The following PLEKHG5 variants were observed in gnomAD, a reference collection of about 807,000 sequenced individuals.
PLEKHG5 encodes pleckstrin homology domain-containing family G member 5.
A neutral mutation model predicts 103.8 loss-of-function variants in PLEKHG5; 52 were observed. The ratio of observed to expected loss-of-function variants is 0.50; its 90% CI spans 0.40 to 0.63. The LOEUF (loss-of-function observed/expected upper bound fraction) is 0.63, where lower values mean the gene tolerates loss of function less well. PLEKHG5 is among the 30% of genes least tolerant of loss of function. The probability of loss-of-function intolerance (pLI) is 0.00; values close to 1 mark genes in which losing one functional copy is unlikely to be tolerated. For synonymous variants in PLEKHG5, 592 were observed against 575.5 expected (o/e 1.03, Z -0.41); for missense variants, 1,205 against 1,347.6 (o/e 0.89, Z 1.66).
chr1:6,486,502 G>A lies in PLEKHG5; in HGVS notation c.-88+5135C>T, dbSNP rs1009705173. 4.6e-5 allele frequency among the ~76,000 whole-genome samples: 7 copies of A among 152,266 alleles called. No homozygotes were observed. Among genetic ancestry groups the A allele is most frequent in the Admixed American group, 2.0e-4 (3 of 15,288 alleles). On this transcript the variant is annotated intron_variant, in intron 1 of 20. Transcript: ENST00000377728. The surrounding 1 kb of genome is among the most constrained non-coding windows in gnomAD (Gnocchi z 5.3). ...AGGCCGGTGGCCTCTGGAAAGGGCC[G>A]TGGGCAGAAGGCGGGCTGCTCTGAG...
At chr1:6,482,890 G>C (rs1225923333) in intron 1 of PLEKHG5, among the ~76,000 whole-genome samples, 1 of 152,136 alleles carries the variant, frequency 6.6e-6, no homozygotes, top group African/African-American at 2.4e-5. Flanking sequence ...TGGATTTTGA[G>C]TAGAGACGGG....
intron 1 of PLEKHG5, among the ~76,000 whole-genome samples, chr1:6,480,768 C>T (rs1463572329): frequency 6.6e-5 from 10 of 151,760 alleles, no homozygotes. Flanking sequence ...CCTGCCTCAC[C>T]GTCCCAAGTA....
chr1:6,511,646 A>G (rs1197479160), intron 1 of PLEKHG5, among the ~76,000 whole-genome samples: 1 of 152,164 alleles, frequency 6.6e-6, no homozygotes, highest in Non-Finnish European at 1.5e-5. Context: ...GGCATGTGAG[A>G]TGGGGGACTG....
upstream of PLEKHG5, chr1:6,496,565 G>C: frequency 6.4e-7 from 1 of 1,572,484 alleles, no homozygotes; most frequent in East Asian, 2.3e-5. Context: ...CGGGGCTCTG[G>C]TCGTCTGCAG....
rs904247137 is a variant in PLEKHG5 at position 6,467,912 on chromosome 1, C to T, written c.2924G>A (p.Gly975Glu). The change falls in exon 20 of 21, where the codon GGG (glycine) becomes GAG (glutamate). Residue 975 changes from glycine to glutamate, a missense_variant. Physicochemically the swap from Gly to Glu is moderately conservative, Grantham distance 98. Transcript: ENST00000377728. ...CAGCTTCCTGTGCTGGGCAGAGACCCCTGGTGGGGGCTCAGGCTGGACCCT... is the reference window on the plus strand; with the variant it reads ...CAGCTTCCTGTGCTGGGCAGAGACCTCTGGTGGGGGCTCAGGCTGGACCCT... Reference protein sequence around the residue: ...SPRVQPEPPPGVSAQHRKLTL... With the variant: ...SPRVQPEPPPEVSAQHRKLTL... 3 of 1,602,338 alleles carry T rather than the reference C, an allele frequency of 1.9e-6. No individual in the cohort carries two copies. Among genetic ancestry groups the T allele is most frequent in the Non-Finnish European group, 2.6e-6 (3 of 1,175,074 alleles).
chr1:6,480,514 C>T (rs555895481), intron 1 of PLEKHG5, among the ~76,000 whole-genome samples: 42 of 145,342 alleles, frequency 2.9e-4, no homozygotes, highest in African/African-American at 9.3e-4. Context: ...AGTGACAGAG[C>T]GAGACTTTGT....
chr1:6,509,706 T>C (rs1044968379), intron 1 of PLEKHG5, among the ~76,000 whole-genome samples: 2 of 152,134 alleles, frequency 1.3e-5, no homozygotes, highest in African/African-American at 4.8e-5. Context: ...GGGGAGGGCT[T>C]GGTTCAGGGT....
At position 6,472,638 on chromosome 1, in the gene PLEKHG5, GA is replaced by G; in HGVS notation, c.985-17del. 1 of 1,594,984 alleles carries G rather than the reference GA, an allele frequency of 6.3e-7. No individual in the cohort carries two copies. Among genetic ancestry groups the G allele is most frequent in the African/African-American group, 1.3e-5 (1 of 74,630 alleles). ...GGGTCAGCTTCTAGAGGGAGGGCAG[GA>G]TGGGTCATTCACGAGGCCTGGAGCA... On this transcript the variant is annotated splice_polypyrimidine_tract_variant and intron_variant, in intron 9 of 20. Transcript: ENST00000377728.
chr1:6,503,560 A>G (rs978025335), intron 1 of PLEKHG5, among the ~76,000 whole-genome samples: 5 of 151,996 alleles, frequency 3.3e-5, no homozygotes, highest in Non-Finnish European at 5.9e-5. Context: ...GGTGCCTGCC[A>G]CCATGCCTGG....
Position 6,490,499 on chromosome 1 carries a change from C to G in PLEKHG5, c.-88+1138G>C. The G allele has an allele frequency of 1.0e-6, 1 of 985,368 alleles. No individual in the cohort carries two copies. Among genetic ancestry groups the G allele is most frequent in the Non-Finnish European group, 1.2e-6 (1 of 829,888 alleles). 61.0% of individuals were successfully genotyped at this position (985,368 alleles called of 1,614,324 possible). On this transcript the variant is annotated intron_variant, in intron 1 of 20. Transcript: ENST00000377728. This position sits in a 1 kb window ranked among gnomAD's most constrained non-coding sequence, Gnocchi z 8.0. ...GTGTCTAAGGCTCTAAGGCTCGGGC[C>G]GAGACTGCCAAAGCCTCATGGGGCG...
chr1:6,467,721 C>T, intron 20 of PLEKHG5, 104 bp downstream of exon 20: 2 of 1,509,396 alleles, frequency 1.3e-6, no homozygotes, highest in Non-Finnish European at 1.8e-6. Flanking sequence ...AGGGTTCAGG[C>T]TCCCTCCGCC....
chr1:6,489,818 T>C (rs3007428), intron 1 of PLEKHG5, among the ~76,000 whole-genome samples: 44,746 of 152,174 alleles, frequency 0.29, 11,475 homozygotes, highest in African/African-American at 0.7. Context: ...CAGGTCCTAG[T>C]GTGTGCCCGG....
intron 4 of PLEKHG5, 88 bp downstream of exon 4, chr1:6,475,374 C>T: frequency 1.7e-6 from 2 of 1,176,290 alleles, no homozygotes; most frequent in Admixed American, 1.7e-5. Context: ...GCAGACCTCC[C>T]CACCCCCATC....
rs562623276 is a variant in PLEKHG5, at chr1:6,472,587, C to T, written c.1020G>A (p.Ala340=). 8 of 1,613,486 alleles carry T rather than the reference C, an allele frequency of 5.0e-6. No individual in the cohort carries two copies. The highest frequency in any genetic ancestry group is 4.0e-5 in the African/African-American group (3 of 75,046). ...CCTCCGTGTGCAGCAGCTCCCACAC[C>T]GCCTCCTGCTGGTGGCACTGCCGCC... ...LTRRQCHQQE[A]VWELLHTEAS... is the part of the protein sequence containing the mutation. The change falls in exon 10 of 21, where the codon GCG becomes GCA. Residue 340 remains alanine, a synonymous_variant. Coordinates refer to ENST00000377728, the MANE Select transcript of PLEKHG5 (RefSeq NM_020631.6).
At chr1:6,508,260 A>C (rs941544077) in intron 1 of PLEKHG5, among the ~76,000 whole-genome samples, 5 of 152,164 alleles carry the variant, frequency 3.3e-5, no homozygotes, top group Non-Finnish European at 7.4e-5. Flanking sequence ...GGATGCCAAG[A>C]GGAGGAGGCC....
intron 1 of PLEKHG5, among the ~76,000 whole-genome samples, chr1:6,513,800 G>A (rs1638540966): frequency 6.6e-6 from 1 of 152,236 alleles, no homozygotes; most frequent in African/African-American, 2.4e-5. Flanking sequence ...ATGCCCAGCA[G>A]AGACCCAGGC....
intron 1 of PLEKHG5, among the ~76,000 whole-genome samples, chr1:6,513,517 C>T (rs939309256): frequency 1.3e-5 from 2 of 152,206 alleles, no homozygotes; most frequent in Non-Finnish European, 2.9e-5. Context: ...GGCTGTTCCT[C>T]GGGGCTGTCT....
rs1645152835 is a variant in PLEKHG5 at position 6,491,656 on chromosome 1, C to T, written c.-107G>A. The T allele has an allele frequency of 4.1e-6, 4 of 985,374 alleles. No individual in the cohort carries two copies. The African/African-American group carries it at 5.2e-5, about 13-fold the overall frequency. 61.0% of individuals were successfully genotyped at this position (985,374 alleles called of 1,614,324 possible). On this transcript the variant is annotated 5_prime_UTR_variant, in exon 1 of 21. It removes an upstream start codon present in the reference 5' UTR. Coordinates refer to ENST00000377728, the MANE Select transcript of PLEKHG5 (RefSeq NM_020631.6). The surrounding 1 kb of genome is among the most constrained non-coding windows in gnomAD (Gnocchi z 4.1). ...ACTCACATCCTGCCCGTCCCTTCTC[C>T]ATGGGGGCCTCAGGTCCACCCTTTC...
chr1:6,519,470 G>C, exon 1 of PLEKHG5: 2 of 1,613,798 alleles, frequency 1.2e-6, no homozygotes, highest in East Asian at 4.5e-5. Flanking sequence ...GGCTGAGCCA[G>C]CTTCGAGGTG....
Sources: gnomAD v4.1 joint callset for allele counts (sites outside exome capture counted in the v4.1 genomes callset) on GRCh38, gnomAD v4.1.1 for gene constraint, Gnocchi (gnomAD v3.1) non-coding constraint, MANE v1.5 for transcripts, NCBI Gene and HGNC (gene_info 2026-07-23, HGNC 2026-07-21) for gene names.